PCDH9: variants seen among roughly 807,000 people sequenced by gnomAD.
PCDH9 encodes the protein protocadherin-9.
PCDH9 carries 24 observed loss-of-function variants against 70.6 expected under a neutral mutation model. The observed-to-expected ratio is 0.34, with a 90% CI of 0.25 to 0.48. The LOEUF (loss-of-function observed/expected upper bound fraction) is 0.48, where lower values mean the gene tolerates loss of function less well. Ranked by LOEUF, PCDH9 falls within the 20% of genes least tolerant of loss-of-function variation. The pLI is 0.99. For synonymous variants in PCDH9, 562 were observed against 558.5 expected, an observed-to-expected ratio of 1.01 and a Z score of -0.09; for missense variants, 1,281 against 1,503.6, an observed-to-expected ratio of 0.85 and a Z score of 2.45.
At chr13:66,365,407 C>T (rs1049548396) in intron 4 of PCDH9, among the ~76,000 whole-genome samples, 1 of 152,170 alleles carries the variant, frequency 6.6e-6, no homozygotes, top group African/African-American at 2.4e-5. Flanking sequence ...ATAACTGGCA[C>T]AATGTCACCA....
intron 2 of PCDH9, among the ~76,000 whole-genome samples, chr13:66,905,664 T>C (rs2082348514): frequency 6.6e-6 from 1 of 151,812 alleles, no homozygotes; most frequent in South Asian, 2.1e-4. Context: ...ATCATATTGT[T>C]TTTTTCCCCC....
chr13:67,054,623 C>T (rs1470443453), intron 2 of PCDH9, among the ~76,000 whole-genome samples: 2 of 151,960 alleles, frequency 1.3e-5, no homozygotes, highest in African/African-American at 2.4e-5. Flanking sequence ...CATTCAACAT[C>T]GCAGAAAAGA....
chr13:66,615,633 T>C (rs1261840735), intron 4 of PCDH9, among the ~76,000 whole-genome samples: 5 of 152,122 alleles, frequency 3.3e-5, no homozygotes, highest in Non-Finnish European at 7.4e-5. Context: ...TAAAGGAAAA[T>C]GTACAGAAAT....
intron 3 of PCDH9, among the ~76,000 whole-genome samples, chr13:66,779,907 T>C (rs1467762295): frequency 3.5e-5 from 2 of 57,700 alleles, no homozygotes; most frequent in African/African-American, 5.6e-5. Context: ...GTGTGTCCGA[T>C]ATATAGAGCT....
At chr13:66,475,505 T>G (rs529397144) in intron 4 of PCDH9, among the ~76,000 whole-genome samples, 1 of 152,116 alleles carries the variant, frequency 6.6e-6, no homozygotes, top group Non-Finnish European at 1.5e-5. Flanking sequence ...CATTTGGAAG[T>G]AACATACTAT....
In PCDH9 at chr13:67,081,871, G is replaced by A. The variant is rs1168625743; in HGVS notation, c.3036+143534C>T. On this transcript the variant is annotated intron_variant, in intron 2 of 4. Transcript: ENST00000377865. ...GTTTAACTATTTTTCTTTATTCAAT[G>A]TTTCTTCTTTCTTAAAATTTTTAAT... is the stretch of plus-strand genomic sequence containing the variant. 3.9e-5 allele frequency among the ~76,000 whole-genome samples: 6 copies of A among 152,072 alleles called. No individual in the cohort carries two copies. In the East Asian group the frequency reaches 1.2e-3, roughly 29 times the overall value.
At chr13:66,830,392 A>T (rs977754447) in intron 3 of PCDH9, among the ~76,000 whole-genome samples, 39 of 152,198 alleles carry the variant, frequency 2.6e-4, no homozygotes, top group African/African-American at 8.7e-4. Context: ...AGCAGGTCAC[A>T]CTAAATTTGT....
At chr13:66,564,761 T>C (rs1037147462) in intron 4 of PCDH9, among the ~76,000 whole-genome samples, 1 of 152,142 alleles carries the variant, frequency 6.6e-6, no homozygotes, top group Non-Finnish European at 1.5e-5. Context: ...GCAGAGTCAA[T>C]AGGGAGTTAT....
intron 4 of PCDH9, among the ~76,000 whole-genome samples, chr13:66,572,818 G>A (rs149655608): frequency 1.4e-3 from 211 of 151,972 alleles, no homozygotes; most frequent in East Asian, 9.9e-3. Context: ...GGAGTGCAGC[G>A]GCATGATCAC....
In PCDH9 at chr13:66,903,499, C is replaced by G. The variant is rs2082310128; in HGVS notation, c.3138+5G>C. ...TAACATGTTCTCTATAGATATATGG[C>G]ATACCTCGTAATGGCTTTCTTCATT... is the stretch of plus-strand genomic sequence containing the variant. On this transcript the variant is annotated splice_donor_5th_base_variant and intron_variant, in intron 3 of 4. Transcript: ENST00000377865. The G allele has an allele frequency of 1.6e-6, 2 of 1,284,414 alleles. No individual in the cohort carries two copies. Among genetic ancestry groups the G allele is most frequent in the African/African-American group, 3.0e-5 (2 of 67,752 alleles). 79.6% of individuals were successfully genotyped at this position (1,284,414 alleles called of 1,614,324 possible).
intron 3 of PCDH9, among the ~76,000 whole-genome samples, chr13:66,684,213 C>T (rs1379355614): frequency 6.6e-6 from 1 of 152,162 alleles, no homozygotes; most frequent in African/African-American, 2.4e-5. Context: ...TAAAGGCTAG[C>T]CAATTAAGAG....
intron 4 of PCDH9, among the ~76,000 whole-genome samples, chr13:66,454,875 G>C (rs1025150262): frequency 6.6e-6 from 1 of 152,044 alleles, no homozygotes; most frequent in African/African-American, 2.4e-5. Context: ...AAAGTGCTGG[G>C]ATTACAGGCG....
chr13:66,556,131 T>G (rs1230236046), intron 4 of PCDH9, among the ~76,000 whole-genome samples: 5 of 151,854 alleles, frequency 3.3e-5, no homozygotes, highest in African/African-American at 4.8e-5. Flanking sequence ...TATGCTGCAT[T>G]TTTCTGCATC....
chr13:66,647,352 A>G (rs1311740911), intron 3 of PCDH9, among the ~76,000 whole-genome samples: 1 of 152,122 alleles, frequency 6.6e-6, no homozygotes, highest in African/African-American at 2.4e-5. Context: ...CTTGCTTACA[A>G]GCTCAACCAT....
chr13:67,141,691 G>A (rs1029663474), intron 2 of PCDH9, among the ~76,000 whole-genome samples: 3 of 151,282 alleles, frequency 2.0e-5, no homozygotes, highest in African/African-American at 4.9e-5. Flanking sequence ...CACCCGCCTC[G>A]GCCTCCCAAA....
chr13:67,080,527 T>C (rs977704519), intron 2 of PCDH9, among the ~76,000 whole-genome samples: 1 of 152,196 alleles, frequency 6.6e-6, no homozygotes, highest in African/African-American at 2.4e-5. Flanking sequence ...CAAAGGACAC[T>C]CTTTAGGTGT....
chr13:66,810,394 C>T (rs115116500), intron 3 of PCDH9, among the ~76,000 whole-genome samples: 1,537 of 152,010 alleles, frequency 0.01, 25 homozygotes, highest in African/African-American at 0.035. Flanking sequence ...ATTCAGCCAT[C>T]TCATTTATTA....
At chr13:66,455,261 TC>T (rs1958296092) in intron 4 of PCDH9, among the ~76,000 whole-genome samples, 1 of 151,352 alleles carries the variant, frequency 6.6e-6, no homozygotes, top group African/African-American at 2.4e-5. Flanking sequence ...ATATATATAT[TC>T]CTTGTTGTTA....
At chr13:66,408,250 G>A (rs12872307) in intron 4 of PCDH9, among the ~76,000 whole-genome samples, 53,039 of 151,668 alleles carry the variant, frequency 0.35, 10,300 homozygotes, top group East Asian at 0.48. Context: ...AGTAGAGACG[G>A]GGTTTCACCT....
Sources: gnomAD v4.1 joint callset for allele counts (sites outside exome capture counted in the v4.1 genomes callset) on GRCh38, gnomAD v4.1.1 for gene constraint, MANE v1.5 for transcripts, NCBI Gene and HGNC (gene_info 2026-07-23, HGNC 2026-07-21) for gene names.